Variants in CAMK2B observed in about 807,000 individuals in gnomAD.
The protein encoded by CAMK2B is calcium/calmodulin-dependent protein kinase type II subunit beta.
In CAMK2B, 27 loss-of-function variants were observed where a neutral mutation model predicts 93.7. That is an observed-to-expected ratio of 0.29 (90% CI 0.21 to 0.40). The LOEUF (loss-of-function observed/expected upper bound fraction) is 0.40, where lower values mean the gene tolerates loss of function less well. Among genes scored for constraint, CAMK2B ranks in the 10% least tolerant of loss-of-function variants. CAMK2B has a pLI of 1.00. For synonymous variants in CAMK2B, 374 were observed against 358.8 expected (o/e 1.04, Z -0.48); for missense variants, 568 against 895.8 (o/e 0.63, Z 4.67).
Position 44,278,841 on chromosome 7 carries a change from G to A in CAMK2B, c.160+5290C>T, listed in dbSNP as rs186501866. The stretch of plus-strand genomic sequence containing the variant: ...ACCCAGATTTCAACTCCAAGGGGAT[G>A]AGGTTCCCTCAAAGCCGGGGTGGTA... On this transcript the variant is annotated intron_variant, in intron 2 of 23. Transcript: ENST00000395749. 2.3e-3 allele frequency among the ~76,000 whole-genome samples: 352 copies of A among 152,362 alleles called. 2 individuals carry two copies. Among genetic ancestry groups the A allele is most frequent in the African/African-American group, 8.2e-3 (339 of 41,582 alleles).
chr7:44,244,330 G>A (rs960176588), intron 6 of CAMK2B, among the ~76,000 whole-genome samples: 1 of 152,188 alleles, frequency 6.6e-6, no homozygotes, highest in African/African-American at 2.4e-5. Flanking sequence ...TTGGCACTGA[G>A]GGCCTGAGGG....
chr7:44,285,822 C>T (rs1363693196), intron 1 of CAMK2B, among the ~76,000 whole-genome samples: 3 of 62,410 alleles, frequency 4.8e-5, no homozygotes, highest in East Asian at 4.8e-4. Context: ...GGGGGGGAGG[C>T]GCGGCGGAGG....
At chr7:44,260,625 T>A (rs1396624924) in intron 3 of CAMK2B, among the ~76,000 whole-genome samples, 9 of 152,144 alleles carry the variant, frequency 5.9e-5, no homozygotes, top group African/African-American at 2.2e-4. Context: ...TATGTAACCT[T>A]TGTGGTGCTC....
chr7:44,270,381 AC>A (rs2096963594), intron 2 of CAMK2B, among the ~76,000 whole-genome samples: 1 of 152,120 alleles, frequency 6.6e-6, no homozygotes, highest in African/African-American at 2.4e-5. Flanking sequence ...GGCTGGGGCT[AC>A]CTGGGGCTCT....
intron 11 of CAMK2B, among the ~76,000 whole-genome samples, 182 bp from the exon 12 acceptor site, chr7:44,240,931 C>T (rs2096671943): frequency 6.6e-6 from 1 of 152,136 alleles, no homozygotes; most frequent in Non-Finnish European, 1.5e-5. Context: ...TGAGACAGAT[C>T]ACCTATTTCC....
intron 2 of CAMK2B, 29 bp from the exon 3 acceptor site, chr7:44,263,093 C>T (rs1584360489): frequency 6.2e-7 from 1 of 1,609,454 alleles, no homozygotes; most frequent in Non-Finnish European, 8.5e-7. Flanking sequence ...AAGGCGTCAC[C>T]TCCTGCGCCA....
intron 2 of CAMK2B, among the ~76,000 whole-genome samples, chr7:44,274,300 G>A (rs1306804898): frequency 6.6e-6 from 1 of 152,184 alleles, no homozygotes; most frequent in Non-Finnish European, 1.5e-5. Context: ...TGGGGACAGA[G>A]GACCGTGGCT....
chr7:44,258,079 C>A (rs912426529), intron 4 of CAMK2B, among the ~76,000 whole-genome samples: 2 of 152,244 alleles, frequency 1.3e-5, no homozygotes, highest in Non-Finnish European at 2.9e-5. Flanking sequence ...CTAAATATAG[C>A]GCTGCTTAGC....
rs1241169336 is a variant in CAMK2B at position 44,218,172 on chromosome 7, C to T, written c.*1353G>A. 3.3e-5 allele frequency: 5 copies of T among 152,792 alleles called. No individual in the cohort carries two copies. The South Asian group carries it at 6.2e-4, about 19-fold the overall frequency. 9.5% of individuals were successfully genotyped at this position (152,792 alleles called of 1,614,324 possible). A position where few individuals can be genotyped will look rare whatever the true frequency, so the allele number is the denominator to read the frequency against. ...CACTGCACGGGCAGCACTGCCCTCA[C>T]GCCTCCCATGTGCCCTAGGCTGGCT... On this transcript the variant is annotated 3_prime_UTR_variant, in exon 24 of 24. Transcript: ENST00000395749.
At chr7:44,252,950 A>C (rs2096793794) in intron 5 of CAMK2B, among the ~76,000 whole-genome samples, 1 of 152,140 alleles carries the variant, frequency 6.6e-6, no homozygotes, top group Non-Finnish European at 1.5e-5. Context: ...CTTAGAAAAG[A>C]AGCCAGTGTC....
intron 2 of CAMK2B, 100 bp from the exon 3 acceptor site, chr7:44,263,164 T>G: frequency 8.9e-7 from 1 of 1,124,020 alleles, no homozygotes. Flanking sequence ...TGCCAGGGCC[T>G]CTGACGAGAG....
Position 44,228,489 on chromosome 7 carries a change from G to C in CAMK2B, c.1468+307C>G, listed in dbSNP as rs571447704. 3.9e-5 allele frequency among the ~76,000 whole-genome samples: 6 copies of C among 152,256 alleles called. No individual in the cohort carries two copies. In the East Asian group the frequency reaches 1.2e-3, roughly 29 times the overall value. On this transcript the variant is annotated intron_variant, in intron 19 of 23. Transcript: ENST00000395749. Reference sequence around the variant, plus strand: ...AGGGCCTAGGGGCATGGGGGGCCTCGGAGGGGCCAGGGCTGCCCAGGGCTG... The same window carrying C: ...AGGGCCTAGGGGCATGGGGGGCCTCCGAGGGGCCAGGGCTGCCCAGGGCTG...
intron 2 of CAMK2B, among the ~76,000 whole-genome samples, chr7:44,277,546 CG>C (rs1399044199): frequency 6.6e-6 from 1 of 152,142 alleles, no homozygotes; most frequent in Non-Finnish European, 1.5e-5. Context: ...CCGCCCTGCT[CG>C]GGCCCGGACA....
Position 44,225,954 on chromosome 7 carries a change from C to A in CAMK2B, c.1597+562G>T. On this transcript the variant is annotated intron_variant, in intron 20 of 23. Coordinates refer to ENST00000395749, the MANE Select transcript of CAMK2B (RefSeq NM_001220.5). The surrounding 1 kb of genome is among the most constrained non-coding windows in gnomAD (Gnocchi z 5.0). ...GGAGGTGGCCCAGCCTGGCTCCTCC[C>A]TGGCCGGGGAGGCTGCCCAGCCTGT... The A allele has an allele frequency of 8.0e-7, 1 of 1,254,740 alleles. No individual in the cohort carries two copies. Among genetic ancestry groups the A allele is most frequent in the South Asian group, 1.3e-5 (1 of 75,354 alleles). 77.7% of individuals were successfully genotyped at this position (1,254,740 alleles called of 1,614,324 possible).
chr7:44,290,824 A>G (rs1786585694), intron 1 of CAMK2B, among the ~76,000 whole-genome samples: 1 of 152,198 alleles, frequency 6.6e-6, no homozygotes, highest in Admixed American at 6.5e-5. Context: ...TCTGCTTATG[A>G]TAATACAAAA....
intron 13 of CAMK2B, 21 bp downstream of exon 13, chr7:44,239,568 C>T (rs1053141535): frequency 2.7e-5 from 41 of 1,541,048 alleles, no homozygotes; most frequent in African/African-American, 5.5e-5. Context: ...GCGGGCGGGA[C>T]GCTGGTCGAG....
chr7:44,230,516 A>G lies in CAMK2B; in HGVS notation c.1225+490T>C, dbSNP rs2096569000. Reference sequence around the variant, plus strand: ...CACAAGACATTGGCCTGGGTGAGCAAGGGAGGGGGCCCTGGAATCTGTGGT... The same window carrying G: ...CACAAGACATTGGCCTGGGTGAGCAGGGGAGGGGGCCCTGGAATCTGTGGT... On this transcript the variant is annotated intron_variant, in intron 17 of 23. Transcript: ENST00000395749. Among the ~76,000 whole-genome samples the G allele has an allele frequency of 2.0e-5, 3 of 152,156 alleles. No individual in the cohort carries two copies. The South Asian group carries it at 6.2e-4, about 32-fold the overall frequency.
chr7:44,251,301 T>C (rs568521147), intron 5 of CAMK2B, among the ~76,000 whole-genome samples: 3 of 152,270 alleles, frequency 2.0e-5, no homozygotes, highest in African/African-American at 7.2e-5. Flanking sequence ...AGTCCTGCCC[T>C]GAGTTTGTGG....
chr7:44,295,054 G>A (rs1018602931), intron 1 of CAMK2B, among the ~76,000 whole-genome samples: 4 of 152,218 alleles, frequency 2.6e-5, no homozygotes, highest in Non-Finnish European at 2.9e-5. Context: ...AAGACCTGGG[G>A]TGAATTCTGG....
Sources: gnomAD v4.1 joint callset for allele counts (sites outside exome capture counted in the v4.1 genomes callset) on GRCh38, gnomAD v4.1.1 for gene constraint, Gnocchi (gnomAD v3.1) non-coding constraint, MANE v1.5 for transcripts, NCBI Gene and HGNC (gene_info 2026-07-23, HGNC 2026-07-21) for gene names.